The following DNAJB6 variants were observed in gnomAD, a reference collection of about 807,000 sequenced individuals.
DNAJB6 encodes dnaJ homolog subfamily B member 6.
In DNAJB6, 16 loss-of-function variants were observed where a neutral mutation model predicts 42.7. That is an observed-to-expected ratio of 0.37 (90% CI 0.25 to 0.57). DNAJB6 has a LOEUF of 0.57. DNAJB6 is among the 20% of genes least tolerant of loss of function. The pLI, the probability that DNAJB6 is intolerant of heterozygous loss-of-function variation, is 0.74. For missense variants in DNAJB6, 347 were observed against 416.8 expected, an observed-to-expected ratio of 0.83 and a Z score of 1.46; for synonymous variants, 170 against 163.5, an observed-to-expected ratio of 1.04 and a Z score of -0.30.
intron 1 of DNAJB6, among the ~76,000 whole-genome samples, chr7:157,338,174 C>G (rs886115709): frequency 3.9e-5 from 6 of 152,184 alleles, no homozygotes; most frequent in African/African-American, 9.7e-5. Context: ...CAGACGTTAA[C>G]CATTAAAGCT....
chr7:157,337,701 C>T (rs983252577), intron 1 of DNAJB6: 2 of 152,234 alleles, frequency 1.3e-5, no homozygotes, highest in South Asian at 2.1e-4. Context: ...AGCAGGCTGC[C>T]TTTCTCACTC....
chr7:157,403,483 TGA>T (rs1033897926), intron 8 of DNAJB6, among the ~76,000 whole-genome samples: 1 of 152,240 alleles, frequency 6.6e-6, no homozygotes, highest in African/African-American at 2.4e-5. Context: ...TTGTTTTTTT[TGA>T]GACATTGTCT....
intron 1 of DNAJB6, among the ~76,000 whole-genome samples, chr7:157,354,375 G>A (rs1160786296): frequency 4.6e-5 from 7 of 152,136 alleles, no homozygotes; most frequent in African/African-American, 1.4e-4. Context: ...TCGAACTCCC[G>A]ACCTCAGGTG....
intron 8 of DNAJB6, among the ~76,000 whole-genome samples, chr7:157,400,234 TTG>T (rs1245823232): frequency 6.7e-6 from 1 of 149,806 alleles, no homozygotes; most frequent in Non-Finnish European, 1.5e-5. Flanking sequence ...CCCCGCGCCT[TTG>T]TGTATGTGCT....
intron 4 of DNAJB6, among the ~76,000 whole-genome samples, 199 bp downstream of exon 4, chr7:157,366,760 G>A (rs1397580764): frequency 6.6e-6 from 1 of 152,124 alleles, no homozygotes; most frequent in Non-Finnish European, 1.5e-5. Context: ...ATATGTTGAT[G>A]TATTTTTTAT....
In DNAJB6 at chr7:157,369,755, A is replaced by C. The variant is rs569207537; in HGVS notation, c.346+2272A>C. On this transcript the variant is annotated intron_variant, in intron 5 of 9. Transcript: ENST00000262177. The stretch of plus-strand genomic sequence containing the variant: ...ATTATTATTAAACAGGCCCCTTCTT[A>C]ACATTATTATTAAACAGGCCTTTCA... Among the ~76,000 whole-genome samples, 115 of 144,012 alleles carry C rather than the reference A, an allele frequency of 8.0e-4. 1 individual carries two copies. Among genetic ancestry groups the C allele is most frequent in the African/African-American group, 2.9e-3 (101 of 34,466 alleles). 94.5% of individuals were successfully genotyped at this position (144,012 alleles called of 152,430 possible). A position where few individuals can be genotyped will look rare whatever the true frequency, so the allele number is the denominator to read the frequency against.
intron 9 of DNAJB6, chr7:157,411,739 C>T (rs1022106010): frequency 1.8e-5 from 2 of 109,298 alleles, no homozygotes; most frequent in African/African-American, 7.1e-5. Flanking sequence ...GGAACGGCAC[C>T]CACCGCAGGC....
At chr7:157,413,486 C>G (rs1353419052) in intron 9 of DNAJB6, 4 of 152,164 alleles carry the variant, frequency 2.6e-5, no homozygotes, top group Non-Finnish European at 5.9e-5. Flanking sequence ...TGTATTTATA[C>G]TTAAGGGTTT....
intron 1 of DNAJB6, among the ~76,000 whole-genome samples, chr7:157,357,723 G>T (rs1391408466): frequency 1.3e-5 from 2 of 152,194 alleles, no homozygotes; most frequent in East Asian, 3.9e-4. Context: ...GTTCCTCCTT[G>T]TGGGACCAGA....
At chr7:157,408,752 C>G (rs1795859489) in intron 8 of DNAJB6, among the ~76,000 whole-genome samples, 1 of 152,262 alleles carries the variant, frequency 6.6e-6, no homozygotes, top group East Asian at 1.9e-4. Flanking sequence ...GTCTGTCGGT[C>G]TGTCAGTCCG....
At chr7:157,351,663 A>AC (rs201800920) in intron 1 of DNAJB6, among the ~76,000 whole-genome samples, 141 of 148,664 alleles carry the variant, frequency 9.5e-4, no homozygotes, top group Non-Finnish European at 1.5e-3. Context: ...AACAACAACA[A>AC]AAAAAACCAC....
chr7:157,374,858 CT>C (rs1351011264), intron 5 of DNAJB6, among the ~76,000 whole-genome samples: 3 of 152,162 alleles, frequency 2.0e-5, no homozygotes, highest in East Asian at 1.9e-4. Context: ...GTTGGTCCCC[CT>C]AACAGGTCTT....
intron 5 of DNAJB6, chr7:157,369,618 C>T (rs1292249442): frequency 3.3e-6 from 1 of 301,602 alleles, no homozygotes; most frequent in East Asian, 1.0e-4. Context: ...CCCTTCTTAA[C>T]ATTGTTATTA....
intron 1 of DNAJB6, among the ~76,000 whole-genome samples, chr7:157,349,054 T>C (rs980119704): frequency 6.6e-6 from 1 of 152,160 alleles, no homozygotes; most frequent in Non-Finnish European, 1.5e-5. Flanking sequence ...TTTTTTTTTA[T>C]TTTTTGTGTA....
chr7:157,341,955 C>T (rs1297523193), intron 1 of DNAJB6, among the ~76,000 whole-genome samples: 5 of 152,152 alleles, frequency 3.3e-5, no homozygotes, highest in African/African-American at 9.7e-5. Context: ...CAACCTCCAC[C>T]TCTGGGGTTC....
chr7:157,388,306 A>AGT (rs1247284482), intron 8 of DNAJB6, among the ~76,000 whole-genome samples: 3 of 152,214 alleles, frequency 2.0e-5, no homozygotes, highest in African/African-American at 7.2e-5. Flanking sequence ...GGTGCATGAG[A>AGT]GTACCTTTGA....
intron 5 of DNAJB6, among the ~76,000 whole-genome samples, chr7:157,372,382 G>A (rs1247114083): frequency 1.3e-5 from 2 of 152,236 alleles, no homozygotes; most frequent in Non-Finnish European, 2.9e-5. Flanking sequence ...GCGAGGACGG[G>A]GCCAGCCCTG....
At chr7:157,363,118 T>A (rs948219248) in intron 2 of DNAJB6, 43 bp from the exon 3 acceptor site, 11 of 1,387,266 alleles carry the variant, frequency 7.9e-6, no homozygotes, top group Admixed American at 2.0e-5. Flanking sequence ...CATAGTTGAT[T>A]TCTGGATTTA....
At chr7:157,363,622 C>T (rs183835008) in intron 3 of DNAJB6, among the ~76,000 whole-genome samples, 48 of 152,222 alleles carry the variant, frequency 3.2e-4, no homozygotes, top group Admixed American at 2.4e-3. Context: ...ATCATTCTGA[C>T]CTTGCTCACC....
Sources: gnomAD v4.1 joint callset for allele counts (sites outside exome capture counted in the v4.1 genomes callset) on GRCh38, gnomAD v4.1.1 for gene constraint, MANE v1.5 for transcripts, NCBI Gene and HGNC (gene_info 2026-07-23, HGNC 2026-07-21) for gene names.